Variants in NUP188 observed in about 807,000 individuals in gnomAD.
NUP188 encodes nucleoporin NUP188.
A neutral mutation model predicts 223.0 loss-of-function variants in NUP188; 97 were observed. The ratio of observed to expected loss-of-function variants is 0.43; its 90% CI spans 0.37 to 0.51. NUP188 has a LOEUF of 0.51. NUP188 is among the 20% of genes least tolerant of loss of function. The pLI is 0.00. For missense variants in NUP188, 1,947 were observed against 2,175.6 expected (o/e 0.89, Z 2.09); for synonymous variants, 869 against 828.0 (o/e 1.05, Z -0.85).
At chr9:128,973,532 G>A (rs951358611) in intron 12 of NUP188, among the ~76,000 whole-genome samples, 8 of 152,000 alleles carry the variant, frequency 5.3e-5, no homozygotes, top group African/African-American at 1.7e-4. Flanking sequence ...ACAGGCGTCC[G>A]CCACCTTGCC....
chr9:128,965,833 T>C (rs537947356), intron 8 of NUP188, among the ~76,000 whole-genome samples: 1 of 151,776 alleles, frequency 6.6e-6, no homozygotes, highest in African/African-American at 2.4e-5. Flanking sequence ...TTTTCACTCT[T>C]GTTGCCCAGG....
At chr9:128,968,858 C>G (rs541238619) in intron 9 of NUP188, 141 bp downstream of exon 9, 51 of 647,086 alleles carry the variant, frequency 7.9e-5, no homozygotes, top group African/African-American at 7.8e-4. Flanking sequence ...CCCTTTCATG[C>G]AGGGAGTAAA....
intron 25 of NUP188, among the ~76,000 whole-genome samples, chr9:128,991,473 CA>C (rs1376730791): frequency 6.6e-6 from 1 of 151,904 alleles, no homozygotes; most frequent in Non-Finnish European, 1.5e-5. Context: ...ACAGAGGTTG[CA>C]GTGAGCTGAG....
chr9:128,988,719 A>ATTTTTTTTTTTT (rs528821221), intron 24 of NUP188, among the ~76,000 whole-genome samples: 3 of 72,858 alleles, frequency 4.1e-5, no homozygotes, highest in Non-Finnish European at 7.8e-5. Flanking sequence ...TAATTTTTTA[A>ATTTTTTTTTTTT]TTTTTTTTTT....
At chr9:129,001,386 G>C (rs898971833) in intron 34 of NUP188, 143 bp from the exon 35 acceptor site, 2 of 679,170 alleles carry the variant, frequency 2.9e-6, no homozygotes, top group Non-Finnish European at 2.6e-6. Flanking sequence ...GGGTGGGAGA[G>C]AGTGTGCATT....
At chr9:128,952,169 T>C (rs1841798220) in intron 2 of NUP188, among the ~76,000 whole-genome samples, 1 of 152,006 alleles carries the variant, frequency 6.6e-6, no homozygotes, top group Admixed American at 6.6e-5. Flanking sequence ...TTTGCTGACA[T>C]GGGCAGATCA....
intron 31 of NUP188, 63 bp from the exon 32 acceptor site, chr9:128,998,475 T>C: frequency 7.2e-7 from 1 of 1,392,204 alleles, no homozygotes; most frequent in Non-Finnish European, 1.0e-6. Context: ...AGGCCGGAGG[T>C]GCCCTGTGGA....
At chr9:128,963,913 T>C (rs1841991834) in intron 8 of NUP188, among the ~76,000 whole-genome samples, 1 of 151,244 alleles carries the variant, frequency 6.6e-6, no homozygotes, top group African/African-American at 2.4e-5. Context: ...GCCTCCTGAG[T>C]TCAAGCGATT....
chr9:128,958,694 A>T (rs1841903606), intron 6 of NUP188, 108 bp from the exon 7 acceptor site: 1 of 505,362 alleles, frequency 2.0e-6, no homozygotes. Context: ...TTATTTATAT[A>T]AATTGAACTT....
intron 36 of NUP188, among the ~76,000 whole-genome samples, chr9:129,002,324 C>T (rs1162067401): frequency 6.6e-6 from 1 of 152,230 alleles, no homozygotes. Context: ...TGTGACTTCT[C>T]CACCCCTGCA....
chr9:128,983,134 A>T, intron 17 of NUP188, 106 bp downstream of exon 17: 12 of 1,501,826 alleles, frequency 8.0e-6, no homozygotes, highest in Non-Finnish European at 1.0e-5. Flanking sequence ...AAGTTCGCGC[A>T]TATTCCTTGG....
At chr9:128,947,778 G>C in intron 1 of NUP188, 27 bp downstream of exon 1, 1 of 1,402,334 alleles carries the variant, frequency 7.1e-7, no homozygotes, top group Non-Finnish European at 9.3e-7. Flanking sequence ...ATGGACCGGG[G>C]TGGCTGTGAA....
At chr9:128,984,864 C>T in intron 19 of NUP188, 36 bp from the exon 20 acceptor site, 1 of 1,413,052 alleles carries the variant, frequency 7.1e-7, no homozygotes, top group Non-Finnish European at 9.9e-7. Flanking sequence ...CTTGAAATTT[C>T]CCTATCATTT....
At chr9:128,996,917 T>G (rs887246273) in intron 30 of NUP188, among the ~76,000 whole-genome samples, 1 of 152,142 alleles carries the variant, frequency 6.6e-6, no homozygotes, top group Non-Finnish European at 1.5e-5. Context: ...TTCCAGGCAT[T>G]GAGATGCAGC....
chr9:128,963,308 C>T (rs1042889402), intron 8 of NUP188, among the ~76,000 whole-genome samples: 5 of 131,246 alleles, frequency 3.8e-5, no homozygotes, highest in African/African-American at 5.9e-5. Context: ...TTTTTTGAGA[C>T]GGAGTCTCGC....
At chr9:128,983,207 TG>T in intron 17 of NUP188, 85 bp from the exon 18 acceptor site, 1 of 1,397,514 alleles carries the variant, frequency 7.2e-7, no homozygotes. Flanking sequence ...GGGGAGAGAC[TG>T]GGGAGAGAGA....
At position 129,001,928 on chromosome 9, in the gene NUP188, T is replaced by C. The variant is rs779141232; in HGVS notation, c.4089T>C (p.Cys1363=). 1 of 1,614,188 alleles carries C rather than the reference T, an allele frequency of 6.2e-7. No homozygotes were observed. The highest frequency in any genetic ancestry group is 1.7e-5 in the Admixed American group (1 of 60,032). Residue 1363 remains cysteine, a synonymous_variant, in exon 36 of 44, where the codon TGT becomes TGC. Coordinates refer to ENST00000372577, the MANE Select transcript of NUP188 (RefSeq NM_015354.3). ...VAGAGITQSI[C]LPLLSVYQLS... is the part of the protein sequence containing the mutation. ...GAGCTGGCATCACCCAGAGCATTTG[T>C]TTGCCCCTTCTGAGTGTGTACCAGC...
intron 37 of NUP188, 79 bp downstream of exon 37, chr9:129,003,054 T>C: frequency 6.6e-7 from 1 of 1,508,134 alleles, no homozygotes. Context: ...CAGGTGGGTG[T>C]GGAGCCTGGG....
chr9:128,959,489 TA>T (rs1841916535), intron 8 of NUP188, among the ~76,000 whole-genome samples: 1 of 151,870 alleles, frequency 6.6e-6, no homozygotes, highest in Non-Finnish European at 1.5e-5. Flanking sequence ...AGCTGCAAGT[TA>T]AATTATTTAT....
Sources: gnomAD v4.1 joint callset for allele counts (sites outside exome capture counted in the v4.1 genomes callset) on GRCh38, gnomAD v4.1.1 for gene constraint, MANE v1.5 for transcripts, NCBI Gene and HGNC (gene_info 2026-07-23, HGNC 2026-07-21) for gene names.